THOC7: variants seen among roughly 807,000 people sequenced by gnomAD.
THOC7 encodes the protein NIF3L1-binding protein 1.
A neutral mutation model predicts 33.1 loss-of-function variants in THOC7; 22 were observed. The ratio of observed to expected loss-of-function variants is 0.66; its 90% confidence interval spans 0.47 to 0.95. THOC7 has a LOEUF of 0.95. Among genes scored for constraint, THOC7 ranks in the 40% least tolerant of loss-of-function variants. THOC7 has a pLI of 0.00. For synonymous variants in THOC7, 77 were observed against 76.8 expected (o/e 1.00, Z -0.01); for missense variants, 184 against 245.3 (o/e 0.75, Z 1.67).
chr3:63,844,783 T>C (rs1335248946), intron 1 of THOC7, among the ~76,000 whole-genome samples: 2 of 152,350 alleles, frequency 1.3e-5, no homozygotes, highest in East Asian at 3.9e-4. Flanking sequence ...GGCCCTTTGA[T>C]CTTGAATTTC....
chr3:63,850,106 T>A (rs1701989026), intron 1 of THOC7, among the ~76,000 whole-genome samples: 1 of 152,190 alleles, frequency 6.6e-6, no homozygotes, highest in Non-Finnish European at 1.5e-5. Context: ...TCTTAATTAT[T>A]CCTTATTTAT....
chr3:63,846,133 C>T, intron 1 of THOC7: 1 of 413,458 alleles, frequency 2.4e-6, no homozygotes, highest in Non-Finnish European at 4.9e-6. Context: ...GTAACTCCTA[C>T]TGCCTCTCTC....
chr3:63,845,117 A>T (rs1334429580), intron 1 of THOC7: 1 of 681,854 alleles, frequency 1.5e-6, no homozygotes, highest in African/African-American at 1.8e-5. Flanking sequence ...GGTGGGGGGT[A>T]CTATCTCCTT....
At chr3:63,836,621 A>C (rs1701640026) in intron 4 of THOC7, among the ~76,000 whole-genome samples, 1 of 151,986 alleles carries the variant, frequency 6.6e-6, no homozygotes, top group South Asian at 2.1e-4. Flanking sequence ...AGGTCAGCAT[A>C]AGCATAAGCA....
At chr3:63,859,946 C>T (rs1263221458) in intron 1 of THOC7, among the ~76,000 whole-genome samples, 1 of 152,160 alleles carries the variant, frequency 6.6e-6, no homozygotes, top group Non-Finnish European at 1.5e-5. Context: ...TACCCACTAC[C>T]CACCTAAACC....
At chr3:63,853,158 A>G (rs967796689) in intron 1 of THOC7, among the ~76,000 whole-genome samples, 160 of 135,840 alleles carry the variant, frequency 1.2e-3, no homozygotes, top group Middle Eastern at 3.9e-3. Context: ...CTCAAAAAAG[A>G]AAAAAAAAAA....
chr3:63,845,168 C>T, intron 1 of THOC7: 1 of 559,618 alleles, frequency 1.8e-6, no homozygotes, highest in South Asian at 2.5e-5. Flanking sequence ...GATCTGAGCT[C>T]TGCTCTCTTT....
chr3:63,849,071 C>T (rs1352698957), intron 1 of THOC7, among the ~76,000 whole-genome samples: 1 of 152,142 alleles, frequency 6.6e-6, no homozygotes, highest in Non-Finnish European at 1.5e-5. Flanking sequence ...GACAGGAATA[C>T]CATATTTGAA....
Position 63,863,798 on chromosome 3 carries a change from G to T in THOC7, c.-8C>A. 1.0e-6 allele frequency: 1 copy of T among 1,000,588 alleles called. No homozygotes were observed. The highest frequency in any genetic ancestry group is 1.3e-6 in the Non-Finnish European group (1 of 796,746). The allele number at this position is 1,000,588 out of a possible 1,614,324, so 62.0% of individuals were successfully genotyped here. ...GTCAGTCACGGCTCCCATGGCGTGC[G>T]CGGCGGCGGCGGCGGCGGCGGCGGC... On this transcript the variant is annotated 5_prime_UTR_variant, in exon 1 of 8. Coordinates refer to ENST00000295899, the MANE Select transcript of THOC7 (RefSeq NM_025075.4).
intron 1 of THOC7, among the ~76,000 whole-genome samples, chr3:63,851,320 T>C (rs140806878): frequency 3.4e-4 from 52 of 152,346 alleles, no homozygotes; most frequent in Middle Eastern, 3.4e-3. Flanking sequence ...CTGATAGTAC[T>C]GATGACCTAA....
intron 5 of THOC7, among the ~76,000 whole-genome samples, 181 bp downstream of exon 5, chr3:63,836,120 T>C (rs1175800430): frequency 6.6e-6 from 1 of 152,006 alleles, no homozygotes. Context: ...ATTTTAGACA[T>C]ATAGCTGGTA....
chr3:63,863,938 GCCGCGCCGCGCCGCGCCGC>G, upstream of THOC7: 1 of 149,734 alleles, frequency 6.7e-6, no homozygotes, highest in Non-Finnish European at 1.2e-5. Flanking sequence ...CGACGCCTGA[GCCGCGCCGCGCCGCGCCGC>G]CGCCGCCGCC....
At chr3:63,836,694 T>C (rs1204855340) in intron 4 of THOC7, among the ~76,000 whole-genome samples, 1 of 151,940 alleles carries the variant, frequency 6.6e-6, no homozygotes, top group African/African-American at 2.4e-5. Flanking sequence ...TCACTAGTTG[T>C]CCAAAAAGTA....
chr3:63,846,895 TAC>T (rs2107143906), intron 1 of THOC7, among the ~76,000 whole-genome samples: 1 of 152,202 alleles, frequency 6.6e-6, no homozygotes, highest in Admixed American at 6.5e-5. Flanking sequence ...GACTGCAAAT[TAC>T]AGTTTGAAAA....
chr3:63,847,907 A>C (rs952400871), intron 1 of THOC7, among the ~76,000 whole-genome samples: 1 of 152,178 alleles, frequency 6.6e-6, no homozygotes, highest in South Asian at 2.1e-4. Context: ...AGTAAACCTG[A>C]AAAACTAGTT....
chr3:63,856,191 T>A (rs1212231793), intron 1 of THOC7, among the ~76,000 whole-genome samples: 1 of 151,948 alleles, frequency 6.6e-6, no homozygotes, highest in African/African-American at 2.4e-5. Flanking sequence ...AAGCTAAAAA[T>A]TGAAACAACT....
At chr3:63,837,636 T>G (rs1349828409) in intron 4 of THOC7, among the ~76,000 whole-genome samples, 1 of 151,954 alleles carries the variant, frequency 6.6e-6, no homozygotes, top group East Asian at 1.9e-4. Flanking sequence ...TCTAGTATAT[T>G]TATGTAAATT....
intron 5 of THOC7, among the ~76,000 whole-genome samples, chr3:63,835,787 C>T (rs1390819643): frequency 1.3e-5 from 2 of 152,032 alleles, no homozygotes; most frequent in East Asian, 1.9e-4. Context: ...TTTTTATCTC[C>T]TCTACCTCCC....
At position 63,838,445 on chromosome 3, in the gene THOC7, C is replaced by T. The variant is rs1181892725; in HGVS notation, c.192G>A (p.Met64Ile). The change falls in exon 3 of 8, where the codon ATG becomes ATA. Residue 64 changes from methionine to isoleucine, a missense_variant. Around this residue, in one of 3 missense-constraint regions of THOC7, gnomAD observed 157 missense variants for 201.3 expected, o/e 0.78. Transcript: ENST00000295899. ...LSTLSQCEFS[M>I]GKTLLVYDMN... is the part of the protein sequence containing the mutation. ...TATCATATACTAGTAAAGTTTTGCC[C>T]ATTGAAAATTCACATTGAGACAGCG... 2.5e-6 allele frequency: 4 copies of T among 1,609,876 alleles called. No individual in the cohort carries two copies. Among genetic ancestry groups the T allele is most frequent in the Non-Finnish European group, 3.4e-6 (4 of 1,178,600 alleles).
Sources: allele counts gnomAD v4.1 joint callset (sites outside exome capture counted in the v4.1 genomes callset), GRCh38; gene constraint gnomAD v4.1.1; regional missense constraint gnomAD v4.1.1; transcripts MANE v1.5; gene names NCBI Gene and HGNC (gene_info 2026-07-23, HGNC 2026-07-21).